Variants in STARD3 observed in about 807,000 individuals in gnomAD.
STARD3 encodes the protein stAR-related lipid transfer protein 3.
In STARD3, 39 loss-of-function variants were observed where a neutral mutation model predicts 62.0. That is an observed-to-expected ratio of 0.63 (90% confidence interval 0.49 to 0.82). STARD3 has a LOEUF of 0.82. STARD3 is among the 40% of genes least tolerant of loss of function. STARD3 has a pLI of 0.00. For missense variants in STARD3, 543 were observed against 584.5 expected (o/e 0.93, Z 0.73); for synonymous variants, 229 against 242.4 (o/e 0.94, Z 0.51).
In STARD3 at chr17:39,660,597, C is replaced by A; in HGVS notation, c.954+71C>A. 1 of 1,534,766 alleles carries A rather than the reference C, an allele frequency of 6.5e-7. No individual in the cohort carries two copies. The highest frequency in any genetic ancestry group is 9.0e-7 in the Non-Finnish European group (1 of 1,110,526). ...CCACGCCTCAGTGGGATCACTGAAG[C>A]ACTCAGCGCCTCAGCTGCCCCATCT... is the stretch of plus-strand genomic sequence containing the variant. On this transcript the variant is annotated intron_variant, in intron 11 of 14. Transcript: ENST00000336308. The surrounding 1 kb of genome is among the most constrained non-coding windows in gnomAD (Gnocchi z 4.8).
At chr17:39,642,657 C>G (rs1336498255) in intron 1 of STARD3, among the ~76,000 whole-genome samples, 3 of 152,152 alleles carry the variant, frequency 2.0e-5, no homozygotes, top group Admixed American at 1.3e-4. Flanking sequence ...GCAGTAAACA[C>G]AGACCAGTGA....
At chr17:39,646,445 G>A (rs1181718935) in intron 1 of STARD3, among the ~76,000 whole-genome samples, 3 of 152,094 alleles carry the variant, frequency 2.0e-5, no homozygotes, top group African/African-American at 7.2e-5. Flanking sequence ...TAGAGACGGG[G>A]CTTTGTTGTG....
chr17:39,644,851 C>CAAAAA (rs35361174), intron 1 of STARD3, among the ~76,000 whole-genome samples: 5 of 116,884 alleles, frequency 4.3e-5, no homozygotes, highest in African/African-American at 1.5e-4. Context: ...GACAGAGTCT[C>CAAAAA]AAAAAAAAAA....
At position 39,654,701 on chromosome 17, in the gene STARD3, G is replaced by A. The variant is rs780064893; in HGVS notation, c.219+951G>A. On this transcript the variant is annotated intron_variant, in intron 2 of 14. Transcript: ENST00000336308. Reference sequence around the variant, plus strand: ...CCCGATGACCTCAGCAAGGGACTCAGCCCCTTGAGTCCTCCCCTCGTTTTC... The same window carrying A: ...CCCGATGACCTCAGCAAGGGACTCAACCCCTTGAGTCCTCCCCTCGTTTTC... 4.6e-5 allele frequency among the ~76,000 whole-genome samples: 7 copies of A among 152,242 alleles called. No homozygotes were observed. The East Asian group carries it at 5.8e-4, about 13-fold the overall frequency.
In STARD3 at chr17:39,664,119, C is replaced by T. The variant is rs2057233238; in HGVS notation, c.*1211C>T. On this transcript the variant is annotated 3_prime_UTR_variant, in exon 15 of 15. Coordinates refer to ENST00000336308, the MANE Select transcript of STARD3 (RefSeq NM_006804.4). The stretch of plus-strand genomic sequence containing the variant: ...TGTGTGACCCTGGGCGAATCTACCT[C>T]TCTCAGCTTCTGCTTCCCACTTTAT... 6.6e-6 allele frequency: 1 copy of T among 152,298 alleles called. No homozygotes were observed. Among genetic ancestry groups the T allele is most frequent in the Admixed American group, 6.5e-5 (1 of 15,290 alleles). 9.4% of individuals were successfully genotyped at this position (152,298 alleles called of 1,614,324 possible). A position where few individuals can be genotyped will look rare whatever the true frequency, so the allele number is the denominator to read the frequency against.
Position 39,653,593 on chromosome 17 carries a change from C to T in STARD3, c.62C>T (p.Ser21Phe), listed in dbSNP as rs2144980213. Reference protein sequence around the residue: ...DLERSLPAVASLGSSLSHSQS... With the variant: ...DLERSLPAVAFLGSSLSHSQS... Reference sequence around the variant, plus strand: ...GAGCGCAGCCTGCCTGCCGTGGCCTCCCTGGGCTCCTCACTGTCCCACAGC... The same window carrying T: ...GAGCGCAGCCTGCCTGCCGTGGCCTTCCTGGGCTCCTCACTGTCCCACAGC... Residue 21 changes from serine to phenylalanine, a missense_variant, in exon 2 of 15, where the codon TCC (serine) becomes TTC (phenylalanine). Transcript: ENST00000336308. 1 of 1,611,868 alleles carries T rather than the reference C, an allele frequency of 6.2e-7. No homozygotes were observed. Among genetic ancestry groups the T allele is most frequent in the Non-Finnish European group, 8.5e-7 (1 of 1,180,010 alleles).
chr17:39,658,568 C>T, intron 6 of STARD3, 46 bp downstream of exon 6: 1 of 1,590,174 alleles, frequency 6.3e-7, no homozygotes, highest in East Asian at 2.2e-5. Flanking sequence ...TACCCACAGC[C>T]CCAAGAGAGG....
At chr17:39,650,982 T>C (rs2057072843) in intron 1 of STARD3, among the ~76,000 whole-genome samples, 1 of 152,142 alleles carries the variant, frequency 6.6e-6, no homozygotes, top group Non-Finnish European at 1.5e-5. Context: ...CCTGTCACCA[T>C]GAGGGATGCA....
intron 1 of STARD3, among the ~76,000 whole-genome samples, chr17:39,642,324 G>C (rs2056989059): frequency 6.6e-6 from 1 of 152,232 alleles, no homozygotes; most frequent in African/African-American, 2.4e-5. Flanking sequence ...TACCCTGCTT[G>C]AGGACCCCCA....
rs200875771 is a variant in STARD3, at chr17:39,658,694, C to T, written c.548-28C>T. The T allele has an allele frequency of 8.5e-4, 1,374 of 1,613,428 alleles. 1 individual carries two copies. Among genetic ancestry groups the T allele is most frequent in the Non-Finnish European group, 1.0e-3 (1,178 of 1,179,548 alleles). On this transcript the variant is annotated intron_variant, in intron 6 of 14. Transcript: ENST00000336308. ...CAGGCTGCTAGGGTGTAACTGTCCTCGGTCCGGGACCGAGTCTGCTCCTCC... is the reference window on the plus strand; with the variant it reads ...CAGGCTGCTAGGGTGTAACTGTCCTTGGTCCGGGACCGAGTCTGCTCCTCC...
chr17:39,637,646 C>T (rs2056944487), intron 1 of STARD3: 1 of 152,222 alleles, frequency 6.6e-6, no homozygotes, highest in Non-Finnish European at 1.5e-5. Context: ...AACTTCCTTT[C>T]GAAACGGCCG....
chr17:39,651,172 T>G (rs1285666771), intron 1 of STARD3, among the ~76,000 whole-genome samples: 1 of 152,180 alleles, frequency 6.6e-6, no homozygotes, highest in East Asian at 1.9e-4. Context: ...CTTGGCCTGG[T>G]GCCTCTGCCT....
chr17:39,647,207 A>T (rs2057034580), intron 1 of STARD3, among the ~76,000 whole-genome samples: 1 of 109,262 alleles, frequency 9.2e-6, no homozygotes, highest in Admixed American at 8.1e-5. Flanking sequence ...CAAAAAAGTT[A>T]AAAAAAAAAA....
chr17:39,643,498 A>C (rs1597788000), intron 1 of STARD3, among the ~76,000 whole-genome samples: 1 of 152,150 alleles, frequency 6.6e-6, no homozygotes, highest in Non-Finnish European at 1.5e-5. Flanking sequence ...ACCGCAGGCC[A>C]TGGCCAGCTG....
Position 39,660,812 on chromosome 17 carries a change from C to T in STARD3, c.957C>T (p.Ile319=). 2 of 1,581,396 alleles carry T rather than the reference C, an allele frequency of 1.3e-6. No individual in the cohort carries two copies. The highest frequency in any genetic ancestry group is 1.7e-6 in the Non-Finnish European group (2 of 1,163,612). The part of the protein sequence containing the change: ...LWNKTVTACQ[I]LQRVEDNTLI... ...AAGTCTCCGTTGACGGCCCTCAGAT[C>T]CTGCAGCGAGTGGAAGACAACACCC... The change falls in exon 12 of 15, where the codon ATC becomes ATT. Residue 319 remains isoleucine, a splice_region_variant and synonymous_variant. Coordinates refer to ENST00000336308, the MANE Select transcript of STARD3 (RefSeq NM_006804.4). This position sits in a 1 kb window ranked among gnomAD's most constrained non-coding sequence, Gnocchi z 4.8.
chr17:39,653,499 G>A lies in STARD3; in HGVS notation c.-33G>A, dbSNP rs750375272. ...CCCCCAGCCCTGCTGCTGAGGCCGCGCCCTCCCCGCCCTGAGGTGGGGGCC... is the reference window on the plus strand; with the variant it reads ...CCCCCAGCCCTGCTGCTGAGGCCGCACCCTCCCCGCCCTGAGGTGGGGGCC... On this transcript the variant is annotated 5_prime_UTR_variant, in exon 2 of 15. Coordinates refer to ENST00000336308, the MANE Select transcript of STARD3 (RefSeq NM_006804.4). The A allele has an allele frequency of 1.8e-5, 29 of 1,594,456 alleles. No homozygotes were observed. Among genetic ancestry groups the A allele is most frequent in the Admixed American group, 8.4e-5 (5 of 59,778 alleles).
chr17:39,660,661 G>T lies in STARD3; in HGVS notation c.954+135G>T. The T allele has an allele frequency of 7.4e-7, 1 of 1,357,230 alleles. No homozygotes were observed. 84.1% of individuals were successfully genotyped at this position (1,357,230 alleles called of 1,614,324 possible). ...GATGGTAACAGTGCCTGCTCGGGAG[G>T]GTCGGGAGGAGGGCAGGAGGAGTGC... is the stretch of plus-strand genomic sequence containing the variant. On this transcript the variant is annotated intron_variant, in intron 11 of 14. Coordinates refer to ENST00000336308, the MANE Select transcript of STARD3 (RefSeq NM_006804.4). The surrounding 1 kb of genome is among the most constrained non-coding windows in gnomAD (Gnocchi z 4.8).
intron 1 of STARD3, among the ~76,000 whole-genome samples, chr17:39,649,976 A>G (rs1160515360): frequency 6.6e-6 from 1 of 152,174 alleles, no homozygotes; most frequent in Non-Finnish European, 1.5e-5. Context: ...TCACACGTGT[A>G]ATCCCAGCAC....
At chr17:39,642,575 G>A (rs1156596371) in intron 1 of STARD3, among the ~76,000 whole-genome samples, 3 of 152,182 alleles carry the variant, frequency 2.0e-5, no homozygotes, top group African/African-American at 7.2e-5. Context: ...TCTGGCACTG[G>A]GCATGCAGCA....
Sources: allele counts gnomAD v4.1 joint callset (sites outside exome capture counted in the v4.1 genomes callset), GRCh38; gene constraint gnomAD v4.1.1; non-coding constraint Gnocchi (gnomAD v3.1); transcripts MANE v1.5; gene names NCBI Gene and HGNC (gene_info 2026-07-23, HGNC 2026-07-21).